Variants in UGT1A3 observed in about 807,000 individuals in gnomAD.
UGT1A3 encodes the protein UDP-glucuronosyltransferase 1A3.
A neutral mutation model predicts 41.0 loss-of-function variants in UGT1A3; 31 were observed. The ratio of observed to expected loss-of-function variants is 0.76; its 90% CI spans 0.57 to 1.02. The LOEUF (loss-of-function observed/expected upper bound fraction) is 1.02, where lower values mean the gene tolerates loss of function less well. Among genes scored for constraint, UGT1A3 ranks in the 50% least tolerant of loss-of-function variants. UGT1A3 has a pLI of 0.00. For synonymous variants in UGT1A3, 262 were observed against 257.6 expected (o/e 1.02, Z -0.17); for missense variants, 737 against 671.0 (o/e 1.10, Z -1.09).
intron 3 of UGT1A3, 130 bp from the exon 4 acceptor site, chr2:233,768,090 T>A (rs887845025): frequency 1.1e-5 from 18 of 1,591,432 alleles, no homozygotes; most frequent in Non-Finnish European, 1.5e-5. Flanking sequence ...CAACCCACAT[T>A]TTCTTCTGCA....
At chr2:233,755,830 A>G (rs534552982) in intron 1 of UGT1A3, 2 of 152,366 alleles carry the variant, frequency 1.3e-5, no homozygotes, top group South Asian at 4.1e-4. Context: ...AGACATATTC[A>G]TTGGGCAATT....
At chr2:233,738,845 C>T (rs1366677682) in intron 1 of UGT1A3, 1 of 152,224 alleles carries the variant, frequency 6.6e-6, no homozygotes, top group Admixed American at 6.5e-5. Flanking sequence ...AAATGTTAAT[C>T]ACCAAGACAA....
intron 1 of UGT1A3, among the ~76,000 whole-genome samples, chr2:233,762,064 C>A (rs574389899): frequency 1.3e-5 from 2 of 152,174 alleles, no homozygotes; most frequent in South Asian, 4.2e-4. Flanking sequence ...CATAGCACAT[C>A]AAATATGGCA....
intron 4 of UGT1A3, chr2:233,771,305 T>TC (rs1482676837): frequency 1.3e-5 from 2 of 152,218 alleles, no homozygotes. Context: ...TTCCTCCTCC[T>TC]TTTCCCTCTC....
At position 233,772,444 on chromosome 2, in the gene UGT1A3, T is replaced by C; in HGVS notation, c.1490T>C (p.Leu497Ser). 6.2e-7 allele frequency: 1 copy of C among 1,614,228 alleles called. No homozygotes were observed. Among genetic ancestry groups the C allele is most frequent in the South Asian group, 1.1e-5 (1 of 91,086 alleles). The change falls in exon 5 of 5, where the codon TTG (leucine) becomes TCG (serine). Residue 497 changes from leucine to serine, a missense_variant. Coordinates refer to ENST00000482026, the MANE Select transcript of UGT1A3 (RefSeq NM_019093.4). ...TCCTTGGACGTGATTGGTTTCCTCT[T>C]GGCCGTCGTGCTGACAGTGGCCTTC... ...YHSLDVIGFL[L>S]AVVLTVAFIT...
At chr2:233,736,414 AC>A (rs1363284987) in intron 1 of UGT1A3, among the ~76,000 whole-genome samples, 6 of 152,024 alleles carry the variant, frequency 3.9e-5, no homozygotes, top group Non-Finnish European at 5.9e-5. Flanking sequence ...CATTCATCTA[AC>A]CTTTTTTCAA....
At chr2:233,767,258 C>A in intron 2 of UGT1A3, 93 bp downstream of exon 2, 1 of 1,592,782 alleles carries the variant, frequency 6.3e-7, no homozygotes, top group Non-Finnish European at 8.5e-7. Flanking sequence ...TTAATTGGAA[C>A]CTTAGATTTG....
chr2:233,743,312 T>A, intron 1 of UGT1A3: 2 of 657,664 alleles, frequency 3.0e-6, no homozygotes, highest in South Asian at 1.5e-5. Context: ...TTGGTGGTGA[T>A]TTTTTTACCA....
intron 1 of UGT1A3, chr2:233,743,004 A>G (rs1469348172): frequency 4.2e-6 from 1 of 237,384 alleles, no homozygotes; most frequent in Admixed American, 5.1e-5. Context: ...GCATACAGAT[A>G]TTTTACAACG....
Position 233,769,754 on chromosome 2 carries a change from C to T in UGT1A3, c.1307+1315C>T. On this transcript the variant is annotated intron_variant, in intron 4 of 4. Coordinates refer to ENST00000482026, the MANE Select transcript of UGT1A3 (RefSeq NM_019093.4). The surrounding 1 kb of genome is among the most constrained non-coding windows in gnomAD (Gnocchi z 4.4). ...CCTGTAGTCCCAGCCACTCTGGAGGCTAAGGCGGGAGGATTGCTTGAGCCC... is the reference window on the plus strand; with the variant it reads ...CCTGTAGTCCCAGCCACTCTGGAGGTTAAGGCGGGAGGATTGCTTGAGCCC... The T allele has an allele frequency of 7.0e-7, 1 of 1,426,418 alleles. No homozygotes were observed. Among genetic ancestry groups the T allele is most frequent in the African/African-American group, 1.4e-5 (1 of 70,050 alleles). The allele number at this position is 1,426,418 out of a possible 1,614,324, so 88.4% of individuals were successfully genotyped here.
chr2:233,762,168 C>A (rs986737504), intron 1 of UGT1A3, among the ~76,000 whole-genome samples: 2 of 152,090 alleles, frequency 1.3e-5, no homozygotes, highest in African/African-American at 2.4e-5. Flanking sequence ...CCACTGTATG[C>A]GGCGTCCTCA....
chr2:233,764,097 A>C (rs535493986), intron 1 of UGT1A3, among the ~76,000 whole-genome samples: 6 of 152,334 alleles, frequency 3.9e-5, no homozygotes, highest in African/African-American at 1.4e-4. Flanking sequence ...CTAAACTAAA[A>C]ATACAAAATT....
intron 1 of UGT1A3, among the ~76,000 whole-genome samples, chr2:233,765,604 G>C (rs986298003): frequency 6.6e-5 from 10 of 151,976 alleles, no homozygotes; most frequent in African/African-American, 2.2e-4. Context: ...CAGGGCTTGT[G>C]GCGGGGTGAG....
At chr2:233,738,331 A>G (rs1320922630) in intron 1 of UGT1A3, among the ~76,000 whole-genome samples, 1 of 152,220 alleles carries the variant, frequency 6.6e-6, no homozygotes, top group African/African-American at 2.4e-5. Context: ...GGACTAATAC[A>G]GTAAATTGGT....
At chr2:233,757,019 A>C (rs1245211871) in intron 1 of UGT1A3, among the ~76,000 whole-genome samples, 4 of 151,834 alleles carry the variant, frequency 2.6e-5, no homozygotes, top group African/African-American at 9.7e-5. Context: ...CAGTTTGAAC[A>C]AAGCAATTTG....
intron 1 of UGT1A3, among the ~76,000 whole-genome samples, chr2:233,749,245 A>G (rs1371671760): frequency 6.6e-6 from 1 of 151,908 alleles, no homozygotes; most frequent in Admixed American, 6.5e-5. Context: ...ATCAAACCAC[A>G]TGATTTTTTT....
At chr2:233,753,112 C>T (rs1267815033) in intron 1 of UGT1A3, 1 of 152,194 alleles carries the variant, frequency 6.6e-6, no homozygotes, top group African/African-American at 2.4e-5. Context: ...CAAACCCATC[C>T]CCAGCAAACT....
In UGT1A3 at chr2:233,768,278, C is replaced by T. The variant is rs72551354; in HGVS notation, c.1146C>T (p.Ser382=). The change falls in exon 4 of 5, where the codon AGC becomes AGT. Residue 382 remains serine, a synonymous_variant. Coordinates refer to ENST00000482026, the MANE Select transcript of UGT1A3 (RefSeq NM_019093.4). ...THAGSHGVYE[S]ICNGVPMVMM... is the part of the protein sequence containing the mutation. ...CTGGTTCCCATGGTGTTTATGAAAG[C>T]ATATGCAATGGCGTTCCCATGGTGA... 6.2e-7 allele frequency: 1 copy of T among 1,614,064 alleles called. No individual in the cohort carries two copies. The highest frequency in any genetic ancestry group is 1.3e-5 in the African/African-American group (1 of 74,924).
In UGT1A3 at chr2:233,769,378, G is replaced by A. The variant is rs986725274; in HGVS notation, c.1307+939G>A. Reference sequence around the variant, plus strand: ...TGGTGGCCAGTGGTAGATTTCATCCGACAATAGATACTGTGTGCATATGTG... The same window carrying A: ...TGGTGGCCAGTGGTAGATTTCATCCAACAATAGATACTGTGTGCATATGTG... On this transcript the variant is annotated intron_variant, in intron 4 of 4. Coordinates refer to ENST00000482026, the MANE Select transcript of UGT1A3 (RefSeq NM_019093.4). This position sits in a 1 kb window ranked among gnomAD's most constrained non-coding sequence, Gnocchi z 4.4. Among the ~76,000 whole-genome samples, 7 of 152,200 alleles carry A rather than the reference G, an allele frequency of 4.6e-5. No individual in the cohort carries two copies. Among genetic ancestry groups the A allele is most frequent in the African/African-American group, 7.2e-5 (3 of 41,448 alleles).
Sources: allele counts gnomAD v4.1 joint callset (sites outside exome capture counted in the v4.1 genomes callset), GRCh38; gene constraint gnomAD v4.1.1; non-coding constraint Gnocchi (gnomAD v3.1); transcripts MANE v1.5; gene names NCBI Gene and HGNC (gene_info 2026-07-23, HGNC 2026-07-21).